SH3RF3: variants seen among roughly 807,000 people sequenced by gnomAD.
The protein encoded by SH3RF3 is SH3 domain containing ring finger 3.
Under a neutral mutation model 66.3 loss-of-function variants are expected in SH3RF3, and 29 were observed. That is an observed-to-expected ratio of 0.44 (90% confidence interval 0.33 to 0.60). The LOEUF is 0.60. Ranked by LOEUF, SH3RF3 falls within the 20% of genes least tolerant of loss-of-function variation. The probability of loss-of-function intolerance (pLI) is 0.04; values close to 1 mark genes in which losing one functional copy is unlikely to be tolerated. For missense variants in SH3RF3, 1,194 were observed against 1,190.9 expected, an observed-to-expected ratio of 1.00 and a Z score of -0.04; for synonymous variants, 583 against 532.0, an observed-to-expected ratio of 1.10 and a Z score of -1.32.
intron 1 of SH3RF3, among the ~76,000 whole-genome samples, chr2:109,269,850 G>C (rs747869780): frequency 6.6e-6 from 1 of 152,190 alleles, no homozygotes; most frequent in South Asian, 2.1e-4. Flanking sequence ...CAGAATGTTC[G>C]TGTGCTCAGG....
At chr2:109,343,346 C>G (rs1682600768) in intron 1 of SH3RF3, among the ~76,000 whole-genome samples, 1 of 152,146 alleles carries the variant, frequency 6.6e-6, no homozygotes, top group Admixed American at 6.5e-5. Context: ...TAAACTGCCT[C>G]TCGGCATCTT....
chr2:109,355,940 A>G (rs191254982), intron 2 of SH3RF3, among the ~76,000 whole-genome samples: 1 of 152,304 alleles, frequency 6.6e-6, no homozygotes, highest in Non-Finnish European at 1.5e-5. Flanking sequence ...TGATCTAGCC[A>G]TGAAAAGTTG....
chr2:109,430,077 G>A (rs760883159), intron 5 of SH3RF3, among the ~76,000 whole-genome samples: 9 of 152,172 alleles, frequency 5.9e-5, no homozygotes, highest in Admixed American at 2.0e-4. Context: ...CAGCTAGGGC[G>A]TGTTCTGAGC....
rs565231751 is a variant in SH3RF3 at position 109,276,786 on chromosome 2, C to CAT, written c.574-70878_574-70877dup. On this transcript the variant is annotated intron_variant, in intron 1 of 9. Transcript: ENST00000309415. Reference sequence around the variant, plus strand: ...TTCTAGAGAAAACAGTTTTGACTTACATATATATATACTACCTTTTTCCTA... The same window carrying CAT: ...TTCTAGAGAAAACAGTTTTGACTTACATATATATATATACTACCTTTTTCCTA... Among the ~76,000 whole-genome samples, 317 of 152,004 alleles carry CAT rather than the reference C, an allele frequency of 2.1e-3. 2 individuals are homozygous for CAT. The highest frequency in any genetic ancestry group is 7.4e-3 in the African/African-American group (305 of 41,440).
chr2:109,351,603 C>A (rs1682839883), intron 2 of SH3RF3, among the ~76,000 whole-genome samples: 1 of 152,236 alleles, frequency 6.6e-6, no homozygotes, highest in Non-Finnish European at 1.5e-5. Context: ...AGGGCCCACG[C>A]TGCTTTTCAT....
intron 1 of SH3RF3, among the ~76,000 whole-genome samples, chr2:109,344,560 A>G (rs1322637066): frequency 6.6e-6 from 1 of 152,192 alleles, no homozygotes; most frequent in East Asian, 1.9e-4. Context: ...CAGCAGGTGC[A>G]TGAGCTTGGC....
chr2:109,386,677 G>C (rs1015134724), intron 3 of SH3RF3, among the ~76,000 whole-genome samples: 2 of 152,162 alleles, frequency 1.3e-5, no homozygotes, highest in African/African-American at 4.8e-5. Flanking sequence ...CAGGATCCTG[G>C]CATCTCCCTC....
chr2:109,170,296 T>TCTCTTCTCTTCTCTC (rs1677743270), intron 1 of SH3RF3, among the ~76,000 whole-genome samples: 1 of 110,880 alleles, frequency 9.0e-6, no homozygotes, highest in Non-Finnish European at 1.9e-5. Flanking sequence ...TCTCTTCTCT[T>TCTCTTCTCTTCTCTC]CTCTTCTCTT....
At position 109,355,443 on chromosome 2, in the gene SH3RF3, G is replaced by A. The variant is rs528215599; in HGVS notation, c.849+7494G>A. 5.3e-5 allele frequency among the ~76,000 whole-genome samples: 8 copies of A among 152,284 alleles called. No individual in the cohort carries two copies. The East Asian group carries it at 1.5e-3, about 29-fold the overall frequency. The stretch of plus-strand genomic sequence containing the variant: ...CCTGCCAACTGTTTTTGTAAATAAA[G>A]TTTTATTGGTACACAGCCATAATTC... On this transcript the variant is annotated intron_variant, in intron 2 of 9. Coordinates refer to ENST00000309415, the MANE Select transcript of SH3RF3 (RefSeq NM_001099289.3).
At chr2:109,446,962 A>C (rs1333515213) in intron 7 of SH3RF3, among the ~76,000 whole-genome samples, 1 of 151,686 alleles carries the variant, frequency 6.6e-6, no homozygotes, top group Non-Finnish European at 1.5e-5. Flanking sequence ...GGAGTCAGAC[A>C]GCTGAGGGGA....
At chr2:109,416,696 C>T (rs968246579) in intron 4 of SH3RF3, among the ~76,000 whole-genome samples, 3 of 151,814 alleles carry the variant, frequency 2.0e-5, no homozygotes, top group African/African-American at 7.3e-5. Flanking sequence ...TGCCACTGTA[C>T]TCCAGCCTGG....
intron 1 of SH3RF3, among the ~76,000 whole-genome samples, chr2:109,298,980 C>T (rs950828334): frequency 1.3e-5 from 2 of 152,344 alleles, no homozygotes; most frequent in African/African-American, 2.4e-5. Flanking sequence ...CGGCCCACGC[C>T]GGCCTGCACC....
At chr2:109,359,576 TTTAAC>T (rs1309681802) in intron 2 of SH3RF3, among the ~76,000 whole-genome samples, 11 of 152,344 alleles carry the variant, frequency 7.2e-5, no homozygotes, top group Admixed American at 1.3e-4. Context: ...TGTATCATGT[TTTAAC>T]TTAAATTTCA....
intron 1 of SH3RF3, among the ~76,000 whole-genome samples, chr2:109,192,279 A>T (rs961969934): frequency 4.6e-5 from 7 of 152,180 alleles, no homozygotes; most frequent in Non-Finnish European, 8.8e-5. Context: ...ATGTTTGGAG[A>T]AATCGTGGCT....
chr2:109,242,353 A>T (rs887464275), intron 1 of SH3RF3, among the ~76,000 whole-genome samples: 10 of 152,136 alleles, frequency 6.6e-5, no homozygotes, highest in African/African-American at 2.4e-4. Flanking sequence ...GCTGGCTGCT[A>T]CACTGAGGAC....
At chr2:109,160,076 G>C (rs949337932) in intron 1 of SH3RF3, among the ~76,000 whole-genome samples, 3 of 152,212 alleles carry the variant, frequency 2.0e-5, no homozygotes, top group Non-Finnish European at 4.4e-5. Context: ...GTGCCAAAAA[G>C]GTTGGAGACT....
chr2:109,498,486 G>GC (rs1039414043), intron 9 of SH3RF3, among the ~76,000 whole-genome samples: 6 of 152,184 alleles, frequency 3.9e-5, no homozygotes, highest in African/African-American at 1.4e-4. Flanking sequence ...AAGCCAAACT[G>GC]CCCCAAAGCC....
Position 109,370,740 on chromosome 2 carries a change from C to A in SH3RF3, c.850-846C>A, listed in dbSNP as rs769189638. ...TGACTGCTCATCTCCCAGTCTCAACCCCCCCGAAAGCCCGCCTTTCCTCCT... is the reference window on the plus strand; with the variant it reads ...TGACTGCTCATCTCCCAGTCTCAACACCCCCGAAAGCCCGCCTTTCCTCCT... On this transcript the variant is annotated intron_variant, in intron 2 of 9. Transcript: ENST00000309415. 7.6e-4 allele frequency among the ~76,000 whole-genome samples: 116 copies of A among 152,256 alleles called. 2 individuals are homozygous for A. The highest frequency in any genetic ancestry group is 1.2e-3 in the Non-Finnish European group (85 of 68,026).
At chr2:109,272,830 G>T (rs549813064) in intron 1 of SH3RF3, among the ~76,000 whole-genome samples, 85 of 152,330 alleles carry the variant, frequency 5.6e-4, no homozygotes, top group African/African-American at 2.0e-3. Flanking sequence ...CAGGCTTGGT[G>T]TGTGTGGGTT....
Sources: gnomAD v4.1 joint callset for allele counts (sites outside exome capture counted in the v4.1 genomes callset) on GRCh38, gnomAD v4.1.1 for gene constraint, MANE v1.5 for transcripts, NCBI Gene and HGNC (gene_info 2026-07-23, HGNC 2026-07-21) for gene names.